Variants in CAP2 observed in about 807,000 individuals in gnomAD.
CAP2 encodes cyclase associated actin cytoskeleton regulatory protein 2.
A neutral mutation model predicts 57.7 loss-of-function variants in CAP2; 24 were observed. That is an observed-to-expected ratio of 0.42 (90% CI 0.30 to 0.58). The LOEUF (loss-of-function observed/expected upper bound fraction) is 0.58. CAP2 is among the 20% of genes least tolerant of loss of function. The pLI is 0.22. For synonymous variants in CAP2, 194 were observed against 207.2 expected, an observed-to-expected ratio of 0.94 and a Z score of 0.55; for missense variants, 501 against 590.3, an observed-to-expected ratio of 0.85 and a Z score of 1.57.
intron 1 of CAP2, among the ~76,000 whole-genome samples, chr6:17,412,089 C>T (rs1759154846): frequency 6.6e-6 from 1 of 152,086 alleles, no homozygotes; most frequent in African/African-American, 2.4e-5. Flanking sequence ...CTCTGCCTTA[C>T]TCAGCCCCAT....
chr6:17,489,324 C>T (rs567198124), intron 4 of CAP2, among the ~76,000 whole-genome samples: 2 of 152,226 alleles, frequency 1.3e-5, no homozygotes, highest in East Asian at 3.9e-4. Flanking sequence ...CCCAGCTACT[C>T]AGGAGGCTGA....
At chr6:17,425,812 G>A (rs572297803) in intron 2 of CAP2, among the ~76,000 whole-genome samples, 48 of 152,280 alleles carry the variant, frequency 3.2e-4, no homozygotes, top group Middle Eastern at 3.4e-3. Flanking sequence ...CATTGATGGA[G>A]ATCCGGGCAT....
chr6:17,394,352 T>G (rs1758619155), intron 1 of CAP2, among the ~76,000 whole-genome samples: 1 of 152,122 alleles, frequency 6.6e-6, no homozygotes, highest in Non-Finnish European at 1.5e-5. Flanking sequence ...GCTGGCTCTC[T>G]GACTGCTTTG....
intron 4 of CAP2, among the ~76,000 whole-genome samples, chr6:17,490,835 T>C (rs1191898035): frequency 6.6e-6 from 1 of 152,176 alleles, no homozygotes; most frequent in African/African-American, 2.4e-5. Flanking sequence ...AAGTGGCTGT[T>C]TGCCAACCAC....
At chr6:17,499,898 A>G (rs1761760745) in intron 4 of CAP2, among the ~76,000 whole-genome samples, 1 of 151,220 alleles carries the variant, frequency 6.6e-6, no homozygotes, top group African/African-American at 2.4e-5. Context: ...TATAGTATAT[A>G]AGGAATATAA....
At chr6:17,452,068 T>A (rs1760418494) in intron 3 of CAP2, among the ~76,000 whole-genome samples, 1 of 152,236 alleles carries the variant, frequency 6.6e-6, no homozygotes, top group South Asian at 2.1e-4. Flanking sequence ...TGTTTTCTCC[T>A]TGATACGATA....
chr6:17,476,031 A>G (rs1342544059), intron 4 of CAP2, among the ~76,000 whole-genome samples: 1 of 152,182 alleles, frequency 6.6e-6, no homozygotes, highest in Non-Finnish European at 1.5e-5. Context: ...TTCCTCTTGG[A>G]TAGTCATAAT....
At chr6:17,430,107 A>C (rs1374802542) in intron 3 of CAP2, among the ~76,000 whole-genome samples, 1 of 152,222 alleles carries the variant, frequency 6.6e-6, no homozygotes, top group Non-Finnish European at 1.5e-5. Context: ...AGGGCAGCCA[A>C]GCTATGATTT....
intron 11 of CAP2, among the ~76,000 whole-genome samples, chr6:17,547,795 C>G (rs987830554): frequency 6.7e-6 from 1 of 149,294 alleles, no homozygotes; most frequent in Non-Finnish European, 1.5e-5. Flanking sequence ...GAGCTGAGAT[C>G]GCGCCACTGC....
chr6:17,511,071 A>G (rs1415424350), intron 6 of CAP2, among the ~76,000 whole-genome samples: 1 of 152,212 alleles, frequency 6.6e-6, no homozygotes. Flanking sequence ...TTCCAGTAGT[A>G]CCAAAGATGA....
At chr6:17,401,753 T>A (rs1412658252) in intron 1 of CAP2, among the ~76,000 whole-genome samples, 1 of 152,194 alleles carries the variant, frequency 6.6e-6, no homozygotes, top group African/African-American at 2.4e-5. Flanking sequence ...TCTCCTCCAT[T>A]TGAATTTCTT....
chr6:17,498,852 C>G (rs1581571008), intron 4 of CAP2, among the ~76,000 whole-genome samples: 1 of 151,988 alleles, frequency 6.6e-6, no homozygotes, highest in South Asian at 2.1e-4. Context: ...CCTCAGCCTC[C>G]TGATTAGCTG....
At chr6:17,423,693 TA>T in intron 2 of CAP2, among the ~76,000 whole-genome samples, 1 of 151,930 alleles carries the variant, frequency 6.6e-6, no homozygotes, top group Non-Finnish European at 1.5e-5. Flanking sequence ...TGGTACATTG[TA>T]AAAAAAAGAT....
intron 1 of CAP2, among the ~76,000 whole-genome samples, chr6:17,411,371 C>G (rs916087797): frequency 6.6e-6 from 1 of 152,212 alleles, no homozygotes; most frequent in Admixed American, 6.5e-5. Flanking sequence ...AACTTCCAAA[C>G]AGTTTAAACC....
chr6:17,539,690 G>A (rs988703998), intron 8 of CAP2, among the ~76,000 whole-genome samples: 1 of 152,166 alleles, frequency 6.6e-6, no homozygotes, highest in African/African-American at 2.4e-5. Context: ...GAGACTCTGG[G>A]TTCTAAATGG....
intron 1 of CAP2, among the ~76,000 whole-genome samples, chr6:17,394,355 C>T (rs1758619214): frequency 1.3e-5 from 2 of 152,086 alleles, no homozygotes; most frequent in South Asian, 2.1e-4. Flanking sequence ...GGCTCTCTGA[C>T]TGCTTTGGGT....
chr6:17,399,333 G>A (rs9465029), intron 1 of CAP2, among the ~76,000 whole-genome samples: 17,219 of 152,160 alleles, frequency 0.11, 3,278 homozygotes, highest in African/African-American at 0.39. Context: ...AAAGTGCTGG[G>A]ATTATAGGGA....
intron 7 of CAP2, chr6:17,531,576 G>A (rs992514673): frequency 4.3e-5 from 66 of 1,535,192 alleles, no homozygotes; most frequent in African/African-American, 3.0e-4. Context: ...AAATTCCTTC[G>A]CTTTTTCTTA....
intron 3 of CAP2, among the ~76,000 whole-genome samples, chr6:17,457,273 C>T (rs1760596736): frequency 6.6e-6 from 1 of 152,352 alleles, no homozygotes; most frequent in South Asian, 2.1e-4. Flanking sequence ...GATGGACAAA[C>T]TCAGCAAAAC....
Sources: allele counts gnomAD v4.1 joint callset (sites outside exome capture counted in the v4.1 genomes callset), GRCh38; gene constraint gnomAD v4.1.1; transcripts MANE v1.5; gene names NCBI Gene and HGNC (gene_info 2026-07-23, HGNC 2026-07-21).